The following NKAIN2 variants were observed in gnomAD, a reference collection of about 807,000 sequenced individuals.
NKAIN2 encodes sodium/potassium transporting ATPase interacting 2.
In NKAIN2, 14 loss-of-function variants were observed where a neutral mutation model predicts 32.6. The ratio of observed to expected loss-of-function variants is 0.43; its 90% CI spans 0.28 to 0.67. NKAIN2 has a LOEUF of 0.67. NKAIN2 is among the 30% of genes least tolerant of loss of function. The probability of loss-of-function intolerance (pLI) is 0.17; values close to 1 mark genes in which losing one functional copy is unlikely to be tolerated. For missense variants in NKAIN2, 198 were observed against 258.3 expected (o/e 0.77, Z 1.60); for synonymous variants, 80 against 87.2 (o/e 0.92, Z 0.46).
rs1192653784 is a variant in NKAIN2 at position 124,160,994 on chromosome 6, T to A, written c.55-122011T>A. Among the ~76,000 whole-genome samples the A allele has an allele frequency of 2.6e-5, 4 of 152,196 alleles. No individual in the cohort carries two copies. The East Asian group carries it at 7.7e-4, about 29-fold the overall frequency. On this transcript the variant is annotated intron_variant, in intron 1 of 6. Transcript: ENST00000368417. ...TATAGATTGTGAACTGGAGCATTTT[T>A]ATTCAAAGTTTTAACTTACACTAAA...
At chr6:124,763,928 A>T (rs1010016891) in intron 4 of NKAIN2, among the ~76,000 whole-genome samples, 3 of 152,174 alleles carry the variant, frequency 2.0e-5, no homozygotes, top group Non-Finnish European at 4.4e-5. Flanking sequence ...TCATAACTGG[A>T]CCCCAAACTT....
chr6:124,132,615 A>G (rs1183901754), intron 1 of NKAIN2, among the ~76,000 whole-genome samples: 2 of 152,240 alleles, frequency 1.3e-5, no homozygotes, highest in African/African-American at 4.8e-5. Flanking sequence ...GAGTCTGTCC[A>G]TGTGAAAACT....
chr6:123,849,682 G>C (rs1195378608), intron 1 of NKAIN2, among the ~76,000 whole-genome samples: 1 of 152,132 alleles, frequency 6.6e-6, no homozygotes, highest in East Asian at 1.9e-4. Context: ...GCTTGTAGCT[G>C]GAGTGCAGGA....
chr6:124,144,999 T>C (rs1020653456), intron 1 of NKAIN2, among the ~76,000 whole-genome samples: 1 of 152,064 alleles, frequency 6.6e-6, no homozygotes, highest in African/African-American at 2.4e-5. Context: ...GAGACAATAT[T>C]CCGATGTCAG....
chr6:124,518,304 AAAAGAT>A (rs1778999208), intron 3 of NKAIN2, among the ~76,000 whole-genome samples: 1 of 151,556 alleles, frequency 6.6e-6, no homozygotes, highest in Non-Finnish European at 1.5e-5. Context: ...AAAAAAAAAA[AAAAGAT>A]AGAAAAGGAA....
intron 1 of NKAIN2, among the ~76,000 whole-genome samples, chr6:124,095,821 C>T (rs1184176295): frequency 2.0e-5 from 3 of 152,030 alleles, no homozygotes; most frequent in Non-Finnish European, 4.4e-5. Context: ...CTTACCTATT[C>T]CCCTGAGTAC....
chr6:123,831,822 A>AT (rs1275657539), intron 1 of NKAIN2, among the ~76,000 whole-genome samples: 1 of 151,872 alleles, frequency 6.6e-6, no homozygotes, highest in Non-Finnish European at 1.5e-5. Flanking sequence ...CGTCCTGCTA[A>AT]TTTTTGTATT....
chr6:124,411,552 C>T lies in NKAIN2; in HGVS notation c.273+56205C>T, dbSNP rs565101311. On this transcript the variant is annotated intron_variant, in intron 3 of 6. Coordinates refer to ENST00000368417, the MANE Select transcript of NKAIN2 (RefSeq NM_001040214.3). ...TGTAGAGTTTCTGCTGAGAGATCAGCTGTTAGTCTGATGGGCTTCCTTTTG... is the reference window on the plus strand; with the variant it reads ...TGTAGAGTTTCTGCTGAGAGATCAGTTGTTAGTCTGATGGGCTTCCTTTTG... Among the ~76,000 whole-genome samples, 993 of 152,388 alleles carry T rather than the reference C, an allele frequency of 6.5e-3. 4 individuals are homozygous for T. The highest frequency in any genetic ancestry group is 0.023 in the African/African-American group (960 of 41,588).
rs775193224 is a variant in NKAIN2 at position 124,726,430 on chromosome 6, A to AC, written c.475-64903dup. 6.2e-4 allele frequency among the ~76,000 whole-genome samples: 95 copies of AC among 152,042 alleles called. 1 individual carries two copies. Among genetic ancestry groups the AC allele is most frequent in the Admixed American group, 1.0e-3 (16 of 15,266 alleles). ...CCCCTGAGCAGCCTAACTGGGAGGC[A>AC]CCCCCCAGCAGGGGCACACTGACAC... On this transcript the variant is annotated intron_variant, in intron 4 of 6. Coordinates refer to ENST00000368417, the MANE Select transcript of NKAIN2 (RefSeq NM_001040214.3).
At chr6:124,374,216 G>A (rs866766080) in intron 3 of NKAIN2, among the ~76,000 whole-genome samples, 128 of 152,044 alleles carry the variant, frequency 8.4e-4, no homozygotes, top group African/African-American at 2.9e-3. Context: ...TGGTGGTAAG[G>A]CAGTTAGGAA....
intron 6 of NKAIN2, among the ~76,000 whole-genome samples, chr6:124,820,718 C>T (rs1781359382): frequency 6.6e-6 from 1 of 152,118 alleles, no homozygotes; most frequent in Non-Finnish European, 1.5e-5. Flanking sequence ...AACATTACTG[C>T]CTAAGCTCTG....
intron 1 of NKAIN2, among the ~76,000 whole-genome samples, chr6:124,102,685 T>C (rs1213452068): frequency 6.6e-6 from 1 of 152,208 alleles, no homozygotes; most frequent in Non-Finnish European, 1.5e-5. Context: ...GTATTGTGCT[T>C]CTTCGAAGAG....
rs373807682 is a variant in NKAIN2, at chr6:124,727,015, C to T, written c.475-64324C>T. Among the ~76,000 whole-genome samples, 50 of 150,488 alleles carry T rather than the reference C, an allele frequency of 3.3e-4. No homozygotes were observed. The East Asian group carries it at 3.8e-3, about 11-fold the overall frequency. ...GAAGGGAAGTTTAGAGAAAAAAGAA[C>T]AAAAAGAAATGAGCAAAGCCTCCAA... On this transcript the variant is annotated intron_variant, in intron 4 of 6. Coordinates refer to ENST00000368417, the MANE Select transcript of NKAIN2 (RefSeq NM_001040214.3).
chr6:124,429,661 A>C (rs981680954), intron 3 of NKAIN2, among the ~76,000 whole-genome samples: 3 of 152,180 alleles, frequency 2.0e-5, no homozygotes, highest in African/African-American at 7.2e-5. Context: ...TGAATAAATA[A>C]ATGAAGAAAT....
intron 1 of NKAIN2, among the ~76,000 whole-genome samples, chr6:123,970,245 TG>T (rs1366975577): frequency 6.6e-6 from 1 of 152,186 alleles, no homozygotes; most frequent in Non-Finnish European, 1.5e-5. Flanking sequence ...CATTTTATTT[TG>T]CAAAGTTTCA....
intron 2 of NKAIN2, among the ~76,000 whole-genome samples, chr6:124,313,422 A>C (rs1796805319): frequency 6.6e-6 from 1 of 152,020 alleles, no homozygotes; most frequent in African/African-American, 2.4e-5. Flanking sequence ...TTCAGATATT[A>C]ATATTCTCAT....
intron 3 of NKAIN2, among the ~76,000 whole-genome samples, chr6:124,558,937 G>A (rs893239640): frequency 1.1e-4 from 16 of 147,130 alleles, no homozygotes; most frequent in African/African-American, 4.0e-4. Context: ...CAACAGGAGT[G>A]AAACTCCATC....
chr6:124,639,224 C>G (rs1323496192), intron 3 of NKAIN2, among the ~76,000 whole-genome samples: 2 of 152,038 alleles, frequency 1.3e-5, no homozygotes, highest in Admixed American at 6.6e-5. Flanking sequence ...CTGGGTATTA[C>G]CAAAAGGAAA....
At chr6:124,152,477 T>A (rs2114400038) in intron 1 of NKAIN2, among the ~76,000 whole-genome samples, 1 of 151,992 alleles carries the variant, frequency 6.6e-6, no homozygotes, top group East Asian at 1.9e-4. Context: ...TTCACTCCAG[T>A]TAGAATAACT....
Sources: gnomAD v4.1 joint callset for allele counts (sites outside exome capture counted in the v4.1 genomes callset) on GRCh38, gnomAD v4.1.1 for gene constraint, MANE v1.5 for transcripts, NCBI Gene and HGNC (gene_info 2026-07-23, HGNC 2026-07-21) for gene names.